Variants in UBE2D2 observed in about 807,000 individuals in gnomAD.
The protein encoded by UBE2D2 is ubiquitin conjugating enzyme E2 D2.
Under a neutral mutation model 24.2 loss-of-function variants are expected in UBE2D2, and 2 were observed. That is an observed-to-expected ratio of 0.08 (90% CI 0.03 to 0.26). The LOEUF (loss-of-function observed/expected upper bound fraction) is 0.26, where lower values mean the gene tolerates loss of function less well. Among genes scored for constraint, UBE2D2 ranks in the 10% least tolerant of loss-of-function variants. UBE2D2 has a pLI of 1.00. For missense variants in UBE2D2, 44 were observed against 177.6 expected, an observed-to-expected ratio of 0.25 and a Z score of 4.28; for synonymous variants, 58 against 56.5, an observed-to-expected ratio of 1.03 and a Z score of -0.12.
chr5:139,528,741 A>G (rs1365977916), intron 1 of UBE2D2, among the ~76,000 whole-genome samples: 1 of 152,186 alleles, frequency 6.6e-6, no homozygotes, highest in Non-Finnish European at 1.5e-5. Flanking sequence ...GCAACACCCT[A>G]AACCCTGCCA....
intron 5 of UBE2D2, among the ~76,000 whole-genome samples, chr5:139,619,769 G>A (rs1038128751): frequency 4.0e-5 from 6 of 151,898 alleles, no homozygotes; most frequent in Middle Eastern, 3.2e-3. Flanking sequence ...AGGCTGAGGC[G>A]GGAGAATCGC....
At chr5:139,548,950 G>A (rs1752870748) in intron 1 of UBE2D2, among the ~76,000 whole-genome samples, 1 of 151,922 alleles carries the variant, frequency 6.6e-6, no homozygotes, top group South Asian at 2.1e-4. Context: ...CCGGGTTCAA[G>A]CGATTCTCCT....
intron 1 of UBE2D2, among the ~76,000 whole-genome samples, chr5:139,573,206 G>A (rs1458542408): frequency 6.6e-6 from 1 of 151,476 alleles, no homozygotes; most frequent in Non-Finnish European, 1.5e-5. Flanking sequence ...GGAGGCTGAG[G>A]CAGGACAATG....
intron 1 of UBE2D2, among the ~76,000 whole-genome samples, chr5:139,543,369 G>C (rs1439840688): frequency 6.6e-6 from 1 of 152,198 alleles, no homozygotes; most frequent in Non-Finnish European, 1.5e-5. Flanking sequence ...CAAACTGTTA[G>C]GGTGTCCTCC....
upstream of UBE2D2, among the ~76,000 whole-genome samples, chr5:139,559,193 G>A (rs1753018687): frequency 6.6e-6 from 1 of 152,026 alleles, no homozygotes; most frequent in African/African-American, 2.4e-5. Flanking sequence ...TTGGGAGGCC[G>A]AGGCGGGCGG....
chr5:139,581,736 T>C (rs1753608143), intron 1 of UBE2D2, among the ~76,000 whole-genome samples: 1 of 152,104 alleles, frequency 6.6e-6, no homozygotes, highest in African/African-American at 2.4e-5. Flanking sequence ...TGGTGCAGTC[T>C]TGGCTCACTG....
chr5:139,624,312 T>C lies in UBE2D2; in HGVS notation c.398+851T>C, dbSNP rs559853612. Among the ~76,000 whole-genome samples the C allele has an allele frequency of 1.3e-4, 20 of 152,356 alleles. No homozygotes were observed. The East Asian group carries it at 3.5e-3, about 26-fold the overall frequency. ...CTAAAAGTGTTCTAGTAGCATTTTT[T>C]CTTTTCTTTTTTTCTTTTGAGATGG... is the stretch of plus-strand genomic sequence containing the variant. On this transcript the variant is annotated intron_variant, in intron 6 of 6. Transcript: ENST00000398733.
intron 2 of UBE2D2, among the ~76,000 whole-genome samples, chr5:139,604,308 T>G (rs1368195401): frequency 1.3e-5 from 2 of 151,822 alleles, no homozygotes; most frequent in Non-Finnish European, 2.9e-5. Context: ...CCAGCTAATT[T>G]TCGTATTTTT....
At chr5:139,599,967 C>A (rs1561516173) in intron 1 of UBE2D2, among the ~76,000 whole-genome samples, 1 of 151,896 alleles carries the variant, frequency 6.6e-6, no homozygotes, top group Non-Finnish European at 1.5e-5. Context: ...CCATGCCCAG[C>A]TAATTTTTTC....
upstream of UBE2D2, among the ~76,000 whole-genome samples, chr5:139,556,835 C>CTT (rs563152839): frequency 4.2e-5 from 6 of 144,204 alleles, no homozygotes; most frequent in Admixed American, 7.0e-5. Flanking sequence ...TAGTTCCATA[C>CTT]TTTTTTTTTT....
chr5:139,613,007 A>G (rs1196228139), intron 2 of UBE2D2, among the ~76,000 whole-genome samples: 3 of 152,168 alleles, frequency 2.0e-5, no homozygotes, highest in East Asian at 1.9e-4. Flanking sequence ...GTGGCCCAGA[A>G]TGGCTTTGTC....
At chr5:139,584,061 C>T (rs1379083218) in intron 1 of UBE2D2, among the ~76,000 whole-genome samples, 2 of 152,126 alleles carry the variant, frequency 1.3e-5, no homozygotes, top group African/African-American at 4.8e-5. Flanking sequence ...CAGTAATGTC[C>T]TAGGCCCTCA....
chr5:139,536,751 A>G (rs530570764), intron 1 of UBE2D2, among the ~76,000 whole-genome samples: 4 of 152,112 alleles, frequency 2.6e-5, no homozygotes, highest in Admixed American at 1.3e-4. Flanking sequence ...CAGCTTCCCA[A>G]AGTGCTGGGA....
intron 1 of UBE2D2, among the ~76,000 whole-genome samples, chr5:139,565,975 A>G (rs1753207233): frequency 6.6e-6 from 1 of 152,166 alleles, no homozygotes; most frequent in Admixed American, 6.6e-5. Flanking sequence ...CTTTCAAACA[A>G]AGTAATGCCA....
intron 1 of UBE2D2, among the ~76,000 whole-genome samples, chr5:139,545,235 AT>A (rs1752810532): frequency 6.6e-6 from 1 of 151,978 alleles, no homozygotes; most frequent in South Asian, 2.1e-4. Flanking sequence ...ATTGTCTTCA[AT>A]TTTATTATTT....
chr5:139,556,993 C>T (rs557604784), upstream of UBE2D2, among the ~76,000 whole-genome samples: 5 of 150,680 alleles, frequency 3.3e-5, no homozygotes, highest in African/African-American at 1.2e-4. Flanking sequence ...CACCACCATG[C>T]CCAGCTAATT....
intron 2 of UBE2D2, among the ~76,000 whole-genome samples, chr5:139,604,738 G>T (rs1754159146): frequency 6.6e-6 from 1 of 151,998 alleles, no homozygotes; most frequent in Admixed American, 6.6e-5. Flanking sequence ...AAATTAGCTG[G>T]GAGTGGTGGC....
chr5:139,552,214 G>C (rs980825097), intron 1 of UBE2D2, among the ~76,000 whole-genome samples: 4 of 150,420 alleles, frequency 2.7e-5, no homozygotes, highest in African/African-American at 9.8e-5. Context: ...CCAGACTGGA[G>C]TATAGTGGCG....
chr5:139,588,753 A>C (rs1360681300), intron 1 of UBE2D2, among the ~76,000 whole-genome samples: 1 of 151,968 alleles, frequency 6.6e-6, no homozygotes, highest in Non-Finnish European at 1.5e-5. Context: ...TTTTTAAAGG[A>C]TTTCCTGGAA....
Sources: allele counts gnomAD v4.1 joint callset (sites outside exome capture counted in the v4.1 genomes callset), GRCh38; gene constraint gnomAD v4.1.1; transcripts MANE v1.5; gene names NCBI Gene and HGNC (gene_info 2026-07-23, HGNC 2026-07-21).